JAM2: variants seen among roughly 807,000 people sequenced by gnomAD.
JAM2 encodes the protein junctional adhesion molecule 2.
A neutral mutation model predicts 42.0 loss-of-function variants in JAM2; 17 were observed. The observed-to-expected ratio is 0.40, with a 90% CI of 0.28 to 0.61. JAM2 has a LOEUF of 0.61. JAM2 is among the 20% of genes least tolerant of loss of function. The pLI is 0.37. For synonymous variants in JAM2, 118 were observed against 128.6 expected (o/e 0.92, Z 0.56); for missense variants, 319 against 358.3 (o/e 0.89, Z 0.89).
At chr21:25,678,682 AGACACCAC>A (rs756759796) in intron 1 of JAM2, among the ~76,000 whole-genome samples, 31 of 152,240 alleles carry the variant, frequency 2.0e-4, no homozygotes, top group Admixed American at 1.1e-3. Flanking sequence ...CTCTTCACAT[AGACACCAC>A]GTTTGCCAGT....
chr21:25,644,857 G>A (rs1024040991), intron 1 of JAM2, among the ~76,000 whole-genome samples: 3 of 96,434 alleles, frequency 3.1e-5, no homozygotes, highest in Non-Finnish European at 4.3e-5. Context: ...AAGCTGGTTG[G>A]TTTTTTGGTT....
At chr21:25,706,567 G>C (rs1333472854) in intron 7 of JAM2, among the ~76,000 whole-genome samples, 1 of 152,152 alleles carries the variant, frequency 6.6e-6, no homozygotes. Flanking sequence ...CATGCAGGTG[G>C]CTTATGAAAC....
In JAM2 at chr21:25,714,750, G is replaced by A. The variant is rs2034449368; in HGVS notation, c.*78G>A. The A allele has an allele frequency of 5.2e-6, 5 of 959,574 alleles. No individual in the cohort carries two copies. Among genetic ancestry groups the A allele is most frequent in the South Asian group, 4.2e-5 (2 of 47,636 alleles). 59.4% of individuals were successfully genotyped at this position (959,574 alleles called of 1,614,324 possible). The stretch of plus-strand genomic sequence containing the variant: ...ACTATTATAAAACTCTGCTTTGTCC[G>A]ACATTTGCAAAGAGGTACACGAGGA... On this transcript the variant is annotated 3_prime_UTR_variant, in exon 10 of 10. Transcript: ENST00000480456.
intron 1 of JAM2, among the ~76,000 whole-genome samples, chr21:25,677,244 C>T (rs564507874): frequency 9.9e-4 from 151 of 151,960 alleles, no homozygotes; most frequent in South Asian, 1.9e-3. Context: ...AGAAATACTA[C>T]CGATAATTAA....
chr21:25,693,768 A>G lies in JAM2; in HGVS notation c.254A>G (p.Asn85Ser). ...CTTTTTCTAAAAGGTGATTTTAAAA[A>G]TCGAGCTGAGATGATAGATTTCAAT... ...YQQTLQGDFK[N>S]RAEMIDFNIR... Residue 85 changes from asparagine to serine, a missense_variant, in exon 4 of 10, where the codon AAT becomes AGT. Coordinates refer to ENST00000480456, the MANE Select transcript of JAM2 (RefSeq NM_021219.4). 1 of 1,613,676 alleles carries G rather than the reference A, an allele frequency of 6.2e-7. No homozygotes were observed. The highest frequency in any genetic ancestry group is 8.5e-7 in the Non-Finnish European group (1 of 1,179,672).
In JAM2 at chr21:25,716,442, A is replaced by T. The variant is rs905683056; in HGVS notation, c.*1770A>T. On this transcript the variant is annotated 3_prime_UTR_variant, in exon 10 of 10. Transcript: ENST00000480456. ...CCACCGGGAAGATGCTCCCCCTTTG[A>T]CTTGTCTATGACATGCTATGTCTCT... 6.6e-6 allele frequency: 1 copy of T among 152,124 alleles called. No homozygotes were observed. The highest frequency in any genetic ancestry group is 1.9e-4 in the East Asian group (1 of 5,196). 9.4% of individuals were successfully genotyped at this position (152,124 alleles called of 1,614,324 possible). A position where few individuals can be genotyped will look rare whatever the true frequency, so the allele number is the denominator to read the frequency against.
chr21:25,644,124 G>C (rs764988978), intron 1 of JAM2: 8 of 152,186 alleles, frequency 5.3e-5, no homozygotes, highest in Non-Finnish European at 7.3e-5. Flanking sequence ...TCAGAACCTG[G>C]GTCAGGTGCC....
At chr21:25,661,828 A>T (rs968802386) in intron 1 of JAM2, among the ~76,000 whole-genome samples, 11 of 152,184 alleles carry the variant, frequency 7.2e-5, no homozygotes, top group African/African-American at 2.7e-4. Context: ...ACAAAATTAT[A>T]TACTCTATTT....
intron 4 of JAM2, among the ~76,000 whole-genome samples, chr21:25,698,143 C>A (rs143946039): frequency 6.6e-6 from 1 of 152,300 alleles, no homozygotes; most frequent in East Asian, 1.9e-4. Context: ...CAGATAAGCC[C>A]TTAACTCTCA....
At chr21:25,667,115 G>A (rs1177517953) in intron 1 of JAM2, among the ~76,000 whole-genome samples, 1 of 152,060 alleles carries the variant, frequency 6.6e-6, no homozygotes, top group Non-Finnish European at 1.5e-5. Context: ...TTTACCCGTG[G>A]CCAACCACAG....
At chr21:25,650,843 C>A (rs1374681213) in intron 1 of JAM2, among the ~76,000 whole-genome samples, 2 of 151,724 alleles carry the variant, frequency 1.3e-5, no homozygotes, top group African/African-American at 4.8e-5. Context: ...GGAAATTATG[C>A]CAACTTCATT....
Position 25,691,240 on chromosome 21 carries a change from A to G in JAM2, c.241+1267A>G, listed in dbSNP as rs146489784. On this transcript the variant is annotated intron_variant, in intron 3 of 9. Transcript: ENST00000480456. ...ATTTAAAATATCTGCTCAAGTTCTT[A>G]TCTGTCAAGATAAGACTACTAGCTG... Among the ~76,000 whole-genome samples, 494 of 152,386 alleles carry G rather than the reference A, an allele frequency of 3.2e-3. 2 individuals carry two copies. Among genetic ancestry groups the G allele is most frequent in the African/African-American group, 0.011 (464 of 41,598 alleles).
intron 1 of JAM2, among the ~76,000 whole-genome samples, chr21:25,674,282 C>T (rs2033431896): frequency 6.6e-6 from 1 of 152,236 alleles, no homozygotes; most frequent in Middle Eastern, 3.4e-3. Context: ...GTGATCCCAG[C>T]TACTCAGGAG....
chr21:25,715,054 G>A lies in JAM2; in HGVS notation c.*382G>A, dbSNP rs536838017. 8.8e-5 allele frequency: 14 copies of A among 158,524 alleles called. No individual in the cohort carries two copies. In the South Asian group the frequency reaches 2.8e-3, roughly 32 times the overall value. The allele number at this position is 158,524 out of a possible 1,614,324, so 9.8% of individuals were successfully genotyped here. On this transcript the variant is annotated 3_prime_UTR_variant, in exon 10 of 10. Transcript: ENST00000480456. ...GACTCTGCACGAGAGTCTGATTTAG[G>A]GGGTCCAACAAATACTCTGACAGAT...
At chr21:25,682,946 A>G (rs948735710) in intron 1 of JAM2, among the ~76,000 whole-genome samples, 1 of 151,644 alleles carries the variant, frequency 6.6e-6, no homozygotes, top group Non-Finnish European at 1.5e-5. Flanking sequence ...TTGTTCCGCC[A>G]TTTGTCTGCT....
intron 1 of JAM2, among the ~76,000 whole-genome samples, chr21:25,677,478 A>G (rs1304291011): frequency 6.6e-6 from 1 of 152,214 alleles, no homozygotes; most frequent in South Asian, 2.1e-4. Flanking sequence ...TTCTTAAAGG[A>G]AATTTTAACA....
chr21:25,658,808 AC>A (rs2033005842), intron 1 of JAM2, among the ~76,000 whole-genome samples: 1 of 152,210 alleles, frequency 6.6e-6, no homozygotes, highest in Non-Finnish European at 1.5e-5. Context: ...TTACTGTGAG[AC>A]CCACAGGACT....
chr21:25,665,418 CAAAT>C (rs982262993), intron 1 of JAM2, among the ~76,000 whole-genome samples: 1 of 152,172 alleles, frequency 6.6e-6, no homozygotes, highest in Non-Finnish European at 1.5e-5. Flanking sequence ...AGTAGGCACT[CAAAT>C]TAATTTACCA....
chr21:25,659,738 G>A (rs1260501187), intron 1 of JAM2, among the ~76,000 whole-genome samples: 1 of 152,156 alleles, frequency 6.6e-6, no homozygotes, highest in Non-Finnish European at 1.5e-5. Flanking sequence ...ATTTAAAAAT[G>A]TGTTAATACA....
Sources: gnomAD v4.1 joint callset for allele counts (sites outside exome capture counted in the v4.1 genomes callset) on GRCh38, gnomAD v4.1.1 for gene constraint, MANE v1.5 for transcripts, NCBI Gene and HGNC (gene_info 2026-07-23, HGNC 2026-07-21) for gene names.